Variants in CYP3A5 observed in about 807,000 individuals in gnomAD.
The protein encoded by CYP3A5 is cytochrome P450 family 3 subfamily A member 5, also known as cytochrome P450 3A5.
Under a neutral mutation model 55.9 loss-of-function variants are expected in CYP3A5, and 51 were observed. The ratio of observed to expected loss-of-function variants is 0.91; its 90% CI spans 0.73 to 1.15. The LOEUF is 1.15. Ranked by LOEUF, CYP3A5 falls within the 50% of genes most tolerant of loss-of-function variation. CYP3A5 has a pLI of 0.00. For synonymous variants in CYP3A5, 196 were observed against 213.9 expected (o/e 0.92, Z 0.73); for missense variants, 533 against 596.6 (o/e 0.89, Z 1.11).
intron 11 of CYP3A5, among the ~76,000 whole-genome samples, chr7:99,651,002 A>G (rs986016422): frequency 1.3e-5 from 2 of 152,134 alleles, no homozygotes; most frequent in Admixed American, 6.5e-5. Flanking sequence ...ATTCAAAGAA[A>G]GTAATAATGG....
intron 12 of CYP3A5, 124 bp from the exon 13 acceptor site, chr7:99,648,524 A>C: frequency 1.5e-6 from 1 of 658,688 alleles, no homozygotes; most frequent in Non-Finnish European, 2.5e-6. Context: ...TCTTAACACC[A>C]TGTATCTTGA....
chr7:99,648,300 A>C lies in CYP3A5; in HGVS notation c.*5T>G. 6.2e-7 allele frequency: 1 copy of C among 1,610,812 alleles called. No individual in the cohort carries two copies. On this transcript the variant is annotated 3_prime_UTR_variant, in exon 13 of 13. Transcript: ENST00000222982. ...GAAGACCAAAGTAGAAATCCTTAGA[A>C]TAACTCATTCTCCACTTAGGGTTCC... is the stretch of plus-strand genomic sequence containing the variant.
rs1562994307 is a variant in CYP3A5 at position 99,663,992 on chromosome 7, TTTCTTCA to T, written c.767_773del (p.Met256LysfsTer12). 8 of 1,591,448 alleles carry T rather than the reference TTTCTTCA, an allele frequency of 5.0e-6. No homozygotes were observed. Among genetic ancestry groups the T allele is most frequent in the Non-Finnish European group, 6.0e-6 (7 of 1,174,736 alleles). ...CCTTTTGTTTGTCGTTGAGGCGACTTTTCTTCATTCTGTTTACAGATTTACTTAAAAA... is the reference window on the plus strand; with the variant it reads ...CCTTTTGTTTGTCGTTGAGGCGACTTTTCTGTTTACAGATTTACTTAAAAA... On this transcript the variant is annotated frameshift_variant, in exon 8 of 13. Transcript: ENST00000222982. LOFTEE classifies it high-confidence loss of function.
At chr7:99,649,135 G>A (rs1808906175) in intron 12 of CYP3A5, among the ~76,000 whole-genome samples, 1 of 152,130 alleles carries the variant, frequency 6.6e-6, no homozygotes, top group African/African-American at 2.4e-5. Context: ...AGCCTGAGAT[G>A]CCTGAGAGCT....
rs3063934 is a variant in CYP3A5 at position 99,653,450 on chromosome 7, CAAATAAAT to C, written c.1027-679_1027-672del. On this transcript the variant is annotated intron_variant, in intron 10 of 12. Transcript: ENST00000222982. The surrounding 1 kb of genome is among the most constrained non-coding windows in gnomAD (Gnocchi z 4.2). The stretch of plus-strand genomic sequence containing the variant: ...TGGGTCGTAGAGTCAGACCCTGTCT[CAAATAAAT>C]AAATAAATAAATAAATAAATAAATA... Among the ~76,000 whole-genome samples, 185 of 145,490 alleles carry C rather than the reference CAAATAAAT, an allele frequency of 1.3e-3. 1 individual carries two copies. The highest frequency in any genetic ancestry group is 9.9e-3 in the East Asian group (49 of 4,974).
intron 12 of CYP3A5, 54 bp downstream of exon 12, chr7:99,650,019 A>G (rs28365072): frequency 3.0e-5 from 48 of 1,592,898 alleles, no homozygotes; most frequent in Non-Finnish European, 4.1e-5. Flanking sequence ...TTTAAAAAAT[A>G]TATACCCTTC....
At chr7:99,666,571 T>C in intron 6 of CYP3A5, 30 bp downstream of exon 6, 1 of 1,607,500 alleles carries the variant, frequency 6.2e-7, no homozygotes, top group Non-Finnish European at 8.5e-7. Flanking sequence ...TCATGACAGC[T>C]CAGAACCCCA....
At chr7:99,668,399 G>A (rs1811246186) in intron 4 of CYP3A5, among the ~76,000 whole-genome samples, 1 of 152,228 alleles carries the variant, frequency 6.6e-6, no homozygotes, top group Non-Finnish European at 1.5e-5. Flanking sequence ...CTTGTGGCCT[G>A]CAGGCCTCAT....
chr7:99,677,083 G>T (rs151026015), intron 1 of CYP3A5: 3 of 681,006 alleles, frequency 4.4e-6, no homozygotes, highest in Non-Finnish European at 5.4e-6. Flanking sequence ...GCCTCTGTAC[G>T]TGAAGTATCT....
rs34318418 is a variant in CYP3A5, at chr7:99,660,214, C to CTTTT, written c.1026+281_1026+284dup. On this transcript the variant is annotated intron_variant, in intron 10 of 12. Coordinates refer to ENST00000222982, the MANE Select transcript of CYP3A5 (RefSeq NM_000777.5). ...GTTTGGCCATCTTCTCGCCACACTC[C>CTTTT]TTTTTTTTTTTTTTTTTTTTTTTTT... 1.5e-3 allele frequency: 665 copies of CTTTT among 429,860 alleles called. 60 individuals carry two copies. In the East Asian group the frequency reaches 0.018, roughly 12 times the overall value. The allele number at this position is 429,860 out of a possible 1,614,324, so 26.6% of individuals were successfully genotyped here. A position where few individuals can be genotyped will look rare whatever the true frequency, so the allele number is the denominator to read the frequency against.
intron 1 of CYP3A5, chr7:99,677,303 G>A: frequency 1.0e-6 from 1 of 960,830 alleles, no homozygotes; most frequent in Non-Finnish European, 1.2e-6. Flanking sequence ...GAAGCTGCTA[G>A]CCCCACACAG....
chr7:99,660,874 A>T (rs184856355), intron 9 of CYP3A5, among the ~76,000 whole-genome samples: 60 of 152,240 alleles, frequency 3.9e-4, no homozygotes, highest in African/African-American at 1.2e-3. Context: ...GGTCTACATG[A>T]TTGTGGGCCA....
intron 9 of CYP3A5, among the ~76,000 whole-genome samples, chr7:99,661,777 C>T (rs1810473179): frequency 6.6e-6 from 1 of 152,226 alleles, no homozygotes; most frequent in Non-Finnish European, 1.5e-5. Context: ...TACTCAGTTA[C>T]ATTGAACCCC....
Position 99,648,381 on chromosome 7 carries a change from G to A in CYP3A5, c.1433C>T (p.Thr478Met), listed in dbSNP as rs559863537. Residue 478 changes from threonine (T) to methionine (M), a missense_variant, in exon 13 of 13, where the codon ACG becomes ATG. Physicochemically the swap from Thr to Met is moderately conservative, Grantham distance 81. Coordinates refer to ENST00000222982, the MANE Select transcript of CYP3A5 (RefSeq NM_000777.5). ...TTTTTCTGGTTGAAGAAGTCCTTGCGTGTCTAATTTCAAGGGGATCTACAA... is the reference window on the plus strand; with the variant it reads ...TTTTTCTGGTTGAAGAAGTCCTTGCATGTCTAATTTCAAGGGGATCTACAA... ...KETQIPLKLD[T>M]QGLLQPEKPI... 45 of 1,609,670 alleles carry A rather than the reference G, an allele frequency of 2.8e-5. 1 individual carries two copies. The highest frequency in any genetic ancestry group is 3.3e-4 in the Middle Eastern group (2 of 6,034).
At position 99,656,724 on chromosome 7, in the gene CYP3A5, G is replaced by T. The variant is rs1809777079; in HGVS notation, c.1026+3775C>A. 3.3e-5 allele frequency among the ~76,000 whole-genome samples: 5 copies of T among 152,232 alleles called. No individual in the cohort carries two copies. The South Asian group carries it at 1.0e-3, about 32-fold the overall frequency. Reference sequence around the variant, plus strand: ...TCCATCTGGTCCTGGACTTTTTTTGGTTGGTAAGCTATTAATTATTGCCTC... The same window carrying T: ...TCCATCTGGTCCTGGACTTTTTTTGTTTGGTAAGCTATTAATTATTGCCTC... On this transcript the variant is annotated intron_variant, in intron 10 of 12. Transcript: ENST00000222982.
At chr7:99,674,435 A>G in intron 3 of CYP3A5, 98 bp downstream of exon 3, 1 of 854,094 alleles carries the variant, frequency 1.2e-6, no homozygotes, top group Non-Finnish European at 1.9e-6. Context: ...GGTTGACAAG[A>G]GCTTCATCCC....
In CYP3A5 at chr7:99,662,720, T is replaced by A; in HGVS notation, c.865+96A>T. 1 of 1,246,760 alleles carries A rather than the reference T, an allele frequency of 8.0e-7. No individual in the cohort carries two copies. The highest frequency in any genetic ancestry group is 2.4e-5 in the East Asian group (1 of 42,530). The allele number at this position is 1,246,760 out of a possible 1,614,324, so 77.2% of individuals were successfully genotyped here. A position where few individuals can be genotyped will look rare whatever the true frequency, so the allele number is the denominator to read the frequency against. On this transcript the variant is annotated intron_variant, in intron 9 of 12. Coordinates refer to ENST00000222982, the MANE Select transcript of CYP3A5 (RefSeq NM_000777.5). This position sits in a 1 kb window ranked among gnomAD's most constrained non-coding sequence, Gnocchi z 4.3. ...GTGTTGTTCTGCTATGTGGCAAAAATTCTCATCTTCCTGGAATACTTCCTG... is the reference window on the plus strand; with the variant it reads ...GTGTTGTTCTGCTATGTGGCAAAAAATCTCATCTTCCTGGAATACTTCCTG...
chr7:99,672,007 TAGGTTGGTGCAA>T, intron 4 of CYP3A5: 1 of 586,878 alleles, frequency 1.7e-6, no homozygotes, highest in East Asian at 2.9e-5. Flanking sequence ...ACTATAGTAT[TAGGTTGGTGCAA>T]AAGTTATTGC....
At chr7:99,657,047 AT>A (rs1478357585) in intron 10 of CYP3A5, among the ~76,000 whole-genome samples, 4 of 151,808 alleles carry the variant, frequency 2.6e-5, no homozygotes, top group African/African-American at 4.8e-5. Context: ...GGATTCATTG[AT>A]TTTTTTGAAG....
Sources: gnomAD v4.1 joint callset for allele counts (sites outside exome capture counted in the v4.1 genomes callset) on GRCh38, gnomAD v4.1.1 for gene constraint, Gnocchi (gnomAD v3.1) non-coding constraint, MANE v1.5 for transcripts, NCBI Gene and HGNC (gene_info 2026-07-23, HGNC 2026-07-21) for gene names.